PIK3C2A: variants seen among roughly 807,000 people sequenced by gnomAD.
PIK3C2A encodes phosphatidylinositol-4-phosphate 3-kinase catalytic subunit type 2 alpha.
A neutral mutation model predicts 204.5 loss-of-function variants in PIK3C2A; 97 were observed. That is an observed-to-expected ratio of 0.47 (90% CI 0.40 to 0.56). The LOEUF (loss-of-function observed/expected upper bound fraction) is 0.56. Among genes scored for constraint, PIK3C2A ranks in the 20% least tolerant of loss-of-function variants. The pLI is 0.00. For missense variants in PIK3C2A, 1,735 were observed against 1,969.2 expected (o/e 0.88, Z 2.25); for synonymous variants, 653 against 664.4 (o/e 0.98, Z 0.26).
rs1848183657 is a variant in PIK3C2A at position 17,087,245 on chromosome 11, A to G, written c.*2493T>C. 6.6e-6 allele frequency: 1 copy of G among 152,214 alleles called. No homozygotes were observed. Among genetic ancestry groups the G allele is most frequent in the African/African-American group, 2.4e-5 (1 of 41,464 alleles). The allele number at this position is 152,214 out of a possible 1,614,324, so 9.4% of individuals were successfully genotyped here. On this transcript the variant is annotated 3_prime_UTR_variant, in exon 33 of 33. Transcript: ENST00000691414. ...GTTAAACTTTTTTTAGATTTACTTTAATGTCAGCTTTTAAAAAATGCTTAA... is the reference window on the plus strand; with the variant it reads ...GTTAAACTTTTTTTAGATTTACTTTGATGTCAGCTTTTAAAAAATGCTTAA...
chr11:17,207,676 G>C (rs1009462940), intron 1 of PIK3C2A, among the ~76,000 whole-genome samples, 172 bp downstream of exon 1: 1 of 152,122 alleles, frequency 6.6e-6, no homozygotes, highest in African/African-American at 2.4e-5. Context: ...GAGGGAGGGG[G>C]GAGTCGGGCT....
rs756664372 is a variant in PIK3C2A, at chr11:17,094,407, AAC to A, written c.4327-24_4327-23del. 4.4e-6 allele frequency: 7 copies of A among 1,592,210 alleles called. No individual in the cohort carries two copies. In the South Asian group the frequency reaches 7.8e-5, roughly 18 times the overall value. ...AAATCTGAAAAGAAATCACACCACA[AAC>A]ACATAAAATTTATATTTAAAACCTT... On this transcript the variant is annotated intron_variant, in intron 27 of 32. Transcript: ENST00000691414.
intron 3 of PIK3C2A, among the ~76,000 whole-genome samples, chr11:17,154,362 T>C (rs895866615): frequency 6.6e-6 from 1 of 152,156 alleles, no homozygotes; most frequent in South Asian, 2.1e-4. Context: ...AAAGGTAACA[T>C]AAAGGAAGAC....
At position 17,097,254 on chromosome 11, in the gene PIK3C2A, A is replaced by T. The variant is rs758441334; in HGVS notation, c.4129T>A (p.Ser1377Thr). Residue 1377 changes from serine (S) to threonine (T), a missense_variant, in exon 27 of 33, where the codon TCA (serine) becomes ACA (threonine). Coordinates refer to ENST00000691414, the MANE Select transcript of PIK3C2A (RefSeq NM_002645.4). Reference sequence around the variant, plus strand: ...TTTGTGGCAATGCTTCCCAAACTTGATTCAATAAGCCTACAAAATAATCAG... The same window carrying T: ...TTTGTGGCAATGCTTCCCAAACTTGTTTCAATAAGCCTACAAAATAATCAG... Reference protein sequence around the residue: ...ATIFFTRLIESSLGSIATKFN... With the variant: ...ATIFFTRLIETSLGSIATKFN... The T allele has an allele frequency of 1.2e-6, 2 of 1,607,776 alleles. No individual in the cohort carries two copies. Among genetic ancestry groups the T allele is most frequent in the South Asian group, 2.2e-5 (2 of 90,830 alleles).
At position 17,122,028 on chromosome 11, in the gene PIK3C2A, T is replaced by TA. The variant is rs376913282; in HGVS notation, c.2657+159dup. ...TCGAGACAAAAGTTTTGTAGATTAT[T>TA]AAAAAAAAAAAAAAGGAAAAAAAGT... is the stretch of plus-strand genomic sequence containing the variant. On this transcript the variant is annotated intron_variant, in intron 15 of 32. Coordinates refer to ENST00000691414, the MANE Select transcript of PIK3C2A (RefSeq NM_002645.4). Among the ~76,000 whole-genome samples the TA allele has an allele frequency of 3.9e-3, 526 of 134,750 alleles. 1 individual carries two copies. Among genetic ancestry groups the TA allele is most frequent in the Non-Finnish European group, 6.2e-3 (386 of 62,114 alleles). 88.4% of individuals were successfully genotyped at this position (134,750 alleles called of 152,430 possible).
chr11:17,122,111 G>T, intron 15 of PIK3C2A, 77 bp downstream of exon 15: 1 of 820,638 alleles, frequency 1.2e-6, no homozygotes, highest in Non-Finnish European at 2.0e-6. Context: ...ACAGAATCAG[G>T]TTATTTAATG....
chr11:17,122,028 TAA>T (rs376913282), intron 15 of PIK3C2A, among the ~76,000 whole-genome samples, 158 bp downstream of exon 15: 6 of 134,760 alleles, frequency 4.5e-5, no homozygotes, highest in Non-Finnish European at 3.2e-5. Flanking sequence ...TGTAGATTAT[TAA>T]AAAAAAAAAA....
chr11:17,126,579 T>C (rs1225380439), intron 13 of PIK3C2A, among the ~76,000 whole-genome samples: 2 of 152,142 alleles, frequency 1.3e-5, no homozygotes, highest in Non-Finnish European at 2.9e-5. Flanking sequence ...CTCAACTATA[T>C]TATATACTGT....
chr11:17,090,411 G>A (rs1490940901), intron 32 of PIK3C2A, among the ~76,000 whole-genome samples: 4 of 152,206 alleles, frequency 2.6e-5, no homozygotes, highest in Non-Finnish European at 5.9e-5. Context: ...AGGTTGCAGT[G>A]AGCCAACATG....
intron 18 of PIK3C2A, among the ~76,000 whole-genome samples, chr11:17,118,404 G>A (rs1292730462): frequency 1.3e-5 from 2 of 152,070 alleles, no homozygotes; most frequent in Non-Finnish European, 2.9e-5. Flanking sequence ...TGTATTTTAA[G>A]CTATATAAGC....
At chr11:17,204,988 A>C (rs1276764262) in intron 1 of PIK3C2A, among the ~76,000 whole-genome samples, 2 of 151,840 alleles carry the variant, frequency 1.3e-5, no homozygotes, top group Non-Finnish European at 2.9e-5. Context: ...GACCAGCTTG[A>C]CCAACATGGT....
chr11:17,204,125 T>G (rs966219889), intron 1 of PIK3C2A, among the ~76,000 whole-genome samples: 1 of 151,766 alleles, frequency 6.6e-6, no homozygotes, highest in African/African-American at 2.4e-5. Context: ...TCCAAAGCAC[T>G]GGACTATGGG....
chr11:17,128,295 G>T (rs1424031017), intron 13 of PIK3C2A, among the ~76,000 whole-genome samples: 3 of 149,166 alleles, frequency 2.0e-5, no homozygotes, highest in Non-Finnish European at 4.5e-5. Context: ...TTTGGCGGGG[G>T]GTGGGGAGGG....
rs138907014 is a variant in PIK3C2A, at chr11:17,191,255, G to A, written c.-66+16593C>T. 2.2e-3 allele frequency among the ~76,000 whole-genome samples: 334 copies of A among 152,304 alleles called. 1 individual carries two copies. Among genetic ancestry groups the A allele is most frequent in the African/African-American group, 7.1e-3 (295 of 41,568 alleles). On this transcript the variant is annotated intron_variant, in intron 1 of 32. Coordinates refer to ENST00000691414, the MANE Select transcript of PIK3C2A (RefSeq NM_002645.4). ...GTAATCTATGTCATACTTGACAGGA[G>A]TGTCCTTCTGGCCAGGGTTGGCCAA...
At chr11:17,157,666 G>A (rs1850642016) in intron 2 of PIK3C2A, among the ~76,000 whole-genome samples, 1 of 152,086 alleles carries the variant, frequency 6.6e-6, no homozygotes, top group Non-Finnish European at 1.5e-5. Context: ...CTTAGGTTGT[G>A]AGAAGTTTGT....
chr11:17,121,475 A>C (rs1590931585), intron 15 of PIK3C2A, among the ~76,000 whole-genome samples: 1 of 152,312 alleles, frequency 6.6e-6, no homozygotes, highest in African/African-American at 2.4e-5. Context: ...TGACTCCATA[A>C]GCAAATATAA....
chr11:17,123,293 A>T (rs1042233555), intron 13 of PIK3C2A, among the ~76,000 whole-genome samples: 2 of 152,040 alleles, frequency 1.3e-5, no homozygotes, highest in Non-Finnish European at 2.9e-5. Flanking sequence ...TGTCACCCAG[A>T]CTGGAGTGTA....
chr11:17,112,415 T>C (rs1279435869), intron 21 of PIK3C2A, among the ~76,000 whole-genome samples, 159 bp downstream of exon 21: 1 of 152,112 alleles, frequency 6.6e-6, no homozygotes. Context: ...ATGGTGCCAC[T>C]GCACTCCAGC....
intron 8 of PIK3C2A, among the ~76,000 whole-genome samples, chr11:17,142,980 G>A (rs550084169): frequency 1.2e-3 from 175 of 150,656 alleles, no homozygotes; most frequent in African/African-American, 4.1e-3. Context: ...TTTTTAAGAT[G>A]GGCAACTCTT....
Sources: allele counts gnomAD v4.1 joint callset (sites outside exome capture counted in the v4.1 genomes callset), GRCh38; gene constraint gnomAD v4.1.1; transcripts MANE v1.5; gene names NCBI Gene and HGNC (gene_info 2026-07-23, HGNC 2026-07-21).